MRE11: variants seen among roughly 807,000 people sequenced by gnomAD.
MRE11 encodes the protein MRE11 double strand break repair nuclease.
A neutral mutation model predicts 91.7 loss-of-function variants in MRE11; 62 were observed. The ratio of observed to expected loss-of-function variants is 0.68; its 90% CI spans 0.55 to 0.84. The LOEUF (loss-of-function observed/expected upper bound fraction) is 0.84. Among genes scored for constraint, MRE11 ranks in the 40% least tolerant of loss-of-function variants. The probability of loss-of-function intolerance (pLI) is 0.00; values close to 1 mark genes in which losing one functional copy is unlikely to be tolerated. For synonymous variants in MRE11, 273 were observed against 271.4 expected (o/e 1.01, Z -0.06); for missense variants, 796 against 852.9 (o/e 0.93, Z 0.83).
At chr11:94,488,944 A>C (rs1947214337) in intron 3 of MRE11, among the ~76,000 whole-genome samples, 1 of 151,690 alleles carries the variant, frequency 6.6e-6, no homozygotes, top group African/African-American at 2.4e-5. Flanking sequence ...ACCTAAAATA[A>C]AAGAAAGAAT....
upstream of MRE11, chr11:94,498,232 T>C (rs779282464): frequency 6.2e-7 from 1 of 1,614,186 alleles, no homozygotes; most frequent in Non-Finnish European, 8.5e-7. Flanking sequence ...TGACTGTGGA[T>C]GGCTGGACGC....
In MRE11 at chr11:94,492,864, C is replaced by T; in HGVS notation, c.-63G>A. On this transcript the variant is annotated 5_prime_UTR_variant, in exon 2 of 20. Transcript: ENST00000323929. ...TCTCCAAGAACCCCTGGGTACTGTA[C>T]TCAAATGTCAGAAAATGCACTCGAT... is the stretch of plus-strand genomic sequence containing the variant. 2 of 1,477,146 alleles carry T rather than the reference C, an allele frequency of 1.4e-6. No individual in the cohort carries two copies. The highest frequency in any genetic ancestry group is 9.4e-7 in the Non-Finnish European group (1 of 1,068,254). 91.5% of individuals were successfully genotyped at this position (1,477,146 alleles called of 1,614,324 possible).
intron 14 of MRE11, among the ~76,000 whole-genome samples, chr11:94,450,978 A>T (rs558984729): frequency 6.6e-6 from 1 of 152,250 alleles, no homozygotes; most frequent in Non-Finnish European, 1.5e-5. Context: ...AATAAGAGGG[A>T]CGGGCGTAGA....
upstream of MRE11, chr11:94,496,982 A>G (rs1474907545): frequency 8.1e-6 from 13 of 1,610,260 alleles, no homozygotes; most frequent in Non-Finnish European, 1.0e-5. Flanking sequence ...GGGAAGTGTG[A>G]CAGTAGGAAA....
chr11:94,466,258 T>G (rs1267808088), intron 10 of MRE11, among the ~76,000 whole-genome samples: 1 of 152,128 alleles, frequency 6.6e-6, no homozygotes, highest in Non-Finnish European at 1.5e-5. Flanking sequence ...GGGGAATAAT[T>G]AAGTTATTTT....
intron 3 of MRE11, among the ~76,000 whole-genome samples, chr11:94,488,428 T>C (rs375000305): frequency 6.6e-6 from 1 of 152,302 alleles, no homozygotes; most frequent in East Asian, 1.9e-4. Context: ...GGAACTACCA[T>C]TTGACCCAGC....
chr11:94,459,205 T>C (rs1946348393), intron 13 of MRE11, among the ~76,000 whole-genome samples: 1 of 152,192 alleles, frequency 6.6e-6, no homozygotes, highest in African/African-American at 2.4e-5. Context: ...CAAAACACTT[T>C]AGTACCAACC....
chr11:94,435,054 T>C (rs887174626), intron 18 of MRE11, among the ~76,000 whole-genome samples: 6 of 152,104 alleles, frequency 3.9e-5, no homozygotes, highest in Non-Finnish European at 5.9e-5. Flanking sequence ...TTAACAGCAA[T>C]AGGCAAAAAA....
In MRE11 at chr11:94,456,327, G is replaced by A. The variant is rs2134970536; in HGVS notation, c.1512C>T (p.Phe504=). 2 of 1,612,966 alleles carry A rather than the reference G, an allele frequency of 1.2e-6. No individual in the cohort carries two copies. The highest frequency in any genetic ancestry group is 1.7e-6 in the Non-Finnish European group (2 of 1,179,342). Residue 504 remains phenylalanine (F), a synonymous_variant, in exon 14 of 20, where the codon TTC becomes TTT. Transcript: ENST00000323929. ...TAGTATTTTTTTGTCTGGTTTCTCT[G>A]AAACGACGTACCTAGATCATAACAG... ...EDKIDEEVRR[F]RETRQKNTNE...
rs1945020879 is a variant in MRE11, at chr11:94,415,779, C to T, written c.*4346G>A. 1 of 152,176 alleles carries T rather than the reference C, an allele frequency of 6.6e-6. No individual in the cohort carries two copies. The highest frequency in any genetic ancestry group is 1.5e-5 in the Non-Finnish European group (1 of 68,042). The allele number at this position is 152,176 out of a possible 1,614,324, so 9.4% of individuals were successfully genotyped here. On this transcript the variant is annotated 3_prime_UTR_variant, in exon 20 of 20. Transcript: ENST00000323929. ...ATATACTTTGAAAAGGGGGCTAAAA[C>T]ATGTAGCTATACAATCTGGGGTTCT...
chr11:94,463,317 T>A (rs186229940), intron 11 of MRE11, among the ~76,000 whole-genome samples: 67 of 152,278 alleles, frequency 4.4e-4, no homozygotes, highest in South Asian at 1.0e-3. Context: ...ATAGGAGCAC[T>A]TTTACACTGT....
the MRE11 span, among the ~76,000 whole-genome samples, chr11:94,500,647 G>T: frequency 6.6e-6 from 1 of 152,144 alleles, no homozygotes. Context: ...TAATTTTTGT[G>T]ACTGTTCAAG....
Position 94,467,893 on chromosome 11 carries a change from T to A in MRE11, c.1018A>T (p.Ile340Phe), listed in dbSNP as rs374389299. ...TCAGCATTTTCAAGCATTTCTTCAA[T>A]CTCAAAATTTTTAAAAAGATTAAAA... Reference protein sequence around the residue: ...QAIQSFCLEKIEEMLENAERE... With the variant: ...QAIQSFCLEKFEEMLENAERE... Residue 340 changes from isoleucine (I) to phenylalanine (F), a missense_variant and splice_region_variant, in exon 10 of 20, where the codon ATT (isoleucine) becomes TTT (phenylalanine). Ile to Phe is a conservative substitution (Grantham distance 21). Coordinates refer to ENST00000323929, the MANE Select transcript of MRE11 (RefSeq NM_005591.4). 1 of 1,613,038 alleles carries A rather than the reference T, an allele frequency of 6.2e-7. No individual in the cohort carries two copies. Among genetic ancestry groups the A allele is most frequent in the African/African-American group, 1.3e-5 (1 of 74,894 alleles).
At chr11:94,504,895 T>C in the MRE11 span, among the ~76,000 whole-genome samples, 1 of 152,226 alleles carries the variant, frequency 6.6e-6, no homozygotes, top group African/African-American at 2.4e-5. Flanking sequence ...AGTGGTCATG[T>C]TGGTCTTTTC....
chr11:94,432,394 G>T (rs978730521), intron 18 of MRE11, among the ~76,000 whole-genome samples: 1 of 152,130 alleles, frequency 6.6e-6, no homozygotes, highest in African/African-American at 2.4e-5. Context: ...GGTTAAAACT[G>T]CAGGCTAGGA....
chr11:94,466,521 G>A (rs367945960), intron 10 of MRE11: 123 of 530,484 alleles, frequency 2.3e-4, no homozygotes, highest in Non-Finnish European at 4.4e-4. Flanking sequence ...ACAAGTAACT[G>A]CAGTTTTTGC....
At chr11:94,478,925 A>G in intron 5 of MRE11, 49 bp from the exon 6 acceptor site, 1 of 1,580,864 alleles carries the variant, frequency 6.3e-7, no homozygotes, top group East Asian at 2.2e-5. Context: ...AAAAGTAGGT[A>G]TCTGCATGAA....
intron 19 of MRE11, among the ~76,000 whole-genome samples, chr11:94,424,538 T>C (rs1408952036): frequency 6.6e-6 from 1 of 152,194 alleles, no homozygotes; most frequent in Non-Finnish European, 1.5e-5. Flanking sequence ...ACATACAATT[T>C]AGAATCTGGA....
chr11:94,445,469 C>G (rs186349524), intron 16 of MRE11, among the ~76,000 whole-genome samples: 2 of 152,154 alleles, frequency 1.3e-5, no homozygotes, highest in African/African-American at 4.8e-5. Flanking sequence ...GCCACCACGC[C>G]TGGCTGATTT....
Sources: gnomAD v4.1 joint callset for allele counts (sites outside exome capture counted in the v4.1 genomes callset) on GRCh38, gnomAD v4.1.1 for gene constraint, MANE v1.5 for transcripts, NCBI Gene and HGNC (gene_info 2026-07-23, HGNC 2026-07-21) for gene names.